The following ACSM4 variants were observed in gnomAD, a reference collection of about 807,000 sequenced individuals.
ACSM4 encodes acyl-coenzyme A synthetase ACSM4, mitochondrial.
Under a neutral mutation model 73.0 loss-of-function variants are expected in ACSM4, and 66 were observed. The observed-to-expected ratio is 0.90, with a 90% CI of 0.74 to 1.11. ACSM4 has a LOEUF of 1.11. ACSM4 is among the 50% of genes least tolerant of loss of function. ACSM4 has a pLI of 0.00. For missense variants in ACSM4, 645 were observed against 714.4 expected (o/e 0.90, Z 1.11); for synonymous variants, 222 against 254.0 (o/e 0.87, Z 1.20).
At chr12:7,327,729 T>G (rs1343963968) in intron 12 of ACSM4, among the ~76,000 whole-genome samples, 1 of 152,194 alleles carries the variant, frequency 6.6e-6, no homozygotes, top group Non-Finnish European at 1.5e-5. Flanking sequence ...CTCCATTAAA[T>G]TCACTAAATC....
intron 1 of ACSM4, among the ~76,000 whole-genome samples, 166 bp from the exon 2 acceptor site, chr12:7,306,367 A>T (rs763298233): frequency 1.3e-5 from 2 of 152,308 alleles, no homozygotes; most frequent in East Asian, 3.9e-4. Context: ...TCTCTTTTCA[A>T]GGCTGTGTTC....
chr12:7,327,148 G>A, intron 12 of ACSM4, 53 bp downstream of exon 12: 2 of 1,508,512 alleles, frequency 1.3e-6, no homozygotes, highest in Non-Finnish European at 1.8e-6. Flanking sequence ...TAGGGTCTAA[G>A]CTAGAATTAG....
chr12:7,322,366 T>C, intron 6 of ACSM4, 52 bp from the exon 7 acceptor site: 1 of 1,610,642 alleles, frequency 6.2e-7, no homozygotes. Context: ...TGTCTTGCAG[T>C]GAAAGCACTC....
intron 5 of ACSM4, among the ~76,000 whole-genome samples, chr12:7,320,149 ATTAGTATTTCTCTAGAT>A (rs757156415): frequency 6.6e-6 from 1 of 152,220 alleles, no homozygotes; most frequent in Non-Finnish European, 1.5e-5. Flanking sequence ...GCTCTAAAAC[ATTAGTATTTCTCTAGAT>A]TTAAGATGCC....
chr12:7,308,971 A>T (rs1946375376), intron 2 of ACSM4, among the ~76,000 whole-genome samples: 2 of 152,164 alleles, frequency 1.3e-5, no homozygotes, highest in South Asian at 4.1e-4. Context: ...GTTATTATTT[A>T]TATACTGGGA....
At chr12:7,310,228 T>C (rs1467760971) in intron 2 of ACSM4, among the ~76,000 whole-genome samples, 1 of 152,218 alleles carries the variant, frequency 6.6e-6, no homozygotes, top group African/African-American at 2.4e-5. Flanking sequence ...CATTATAATG[T>C]CTGCTCAGAC....
intron 5 of ACSM4, 81 bp downstream of exon 5, chr12:7,318,263 A>C: frequency 6.5e-7 from 1 of 1,529,490 alleles, no homozygotes; most frequent in Non-Finnish European, 8.8e-7. Flanking sequence ...TATTCCTTAG[A>C]ATACAAGGCT....
intron 2 of ACSM4, among the ~76,000 whole-genome samples, chr12:7,307,144 C>A (rs1946366904): frequency 6.6e-6 from 1 of 152,112 alleles, no homozygotes; most frequent in Admixed American, 6.6e-5. Context: ...ATCCCAGCTA[C>A]TCGGGAGGCT....
intron 7 of ACSM4, 54 bp from the exon 8 acceptor site, chr12:7,323,180 T>A: frequency 6.8e-7 from 1 of 1,465,006 alleles, no homozygotes; most frequent in East Asian, 2.4e-5. Flanking sequence ...TGCCATGATA[T>A]AGTTTCAGAA....
At position 7,323,487 on chromosome 12, in the gene ACSM4, C is replaced by T; in HGVS notation, c.1235C>T (p.Pro412Leu). 1 of 1,613,826 alleles carries T rather than the reference C, an allele frequency of 6.2e-7. No homozygotes were observed. The highest frequency in any genetic ancestry group is 8.5e-7 in the Non-Finnish European group (1 of 1,179,824). ...ATAGATGAAAATGGCAATGTTCTAC[C>T]ACCTGGCAAAGAAGGGGAAATTGCC... ...QIIDENGNVL[P>L]PGKEGEIALR... is the part of the protein sequence containing the mutation. Residue 412 changes from proline to leucine, a missense_variant, in exon 9 of 13, where the codon CCA becomes CTA. Transcript: ENST00000399422.
intron 7 of ACSM4, 132 bp downstream of exon 7, chr12:7,322,673 A>G: frequency 5.2e-6 from 6 of 1,164,254 alleles, no homozygotes; most frequent in Non-Finnish European, 7.1e-6. Context: ...TCACCTTGCC[A>G]GTAGTTACCA....
chr12:7,306,110 A>G (rs1033055203), intron 1 of ACSM4, among the ~76,000 whole-genome samples: 39 of 152,326 alleles, frequency 2.6e-4, no homozygotes, highest in Admixed American at 2.4e-3. Flanking sequence ...TTATTCAAGG[A>G]ATATGGGAGA....
chr12:7,315,375 C>G (rs924296202), intron 3 of ACSM4, among the ~76,000 whole-genome samples: 1 of 152,056 alleles, frequency 6.6e-6, no homozygotes, highest in Non-Finnish European at 1.5e-5. Context: ...CTTTGAGAGG[C>G]TGAGGCGGGT....
At chr12:7,318,888 T>C (rs1040883679) in intron 5 of ACSM4, among the ~76,000 whole-genome samples, 3 of 152,216 alleles carry the variant, frequency 2.0e-5, no homozygotes, top group Admixed American at 6.5e-5. Flanking sequence ...TCTGACAAGA[T>C]GGTTTAAGGC....
intron 5 of ACSM4, among the ~76,000 whole-genome samples, chr12:7,320,298 G>T (rs901985418): frequency 2.0e-5 from 3 of 152,174 alleles, no homozygotes; most frequent in Non-Finnish European, 4.4e-5. Context: ...AAAGACTAAT[G>T]TATTTTATAG....
At chr12:7,327,889 C>A (rs767701816) in intron 12 of ACSM4, among the ~76,000 whole-genome samples, 26 of 152,146 alleles carry the variant, frequency 1.7e-4, no homozygotes, top group Non-Finnish European at 2.4e-4. Flanking sequence ...TGTATATACT[C>A]CAAATTATCC....
At chr12:7,309,446 C>G (rs940174864) in intron 2 of ACSM4, among the ~76,000 whole-genome samples, 3 of 152,196 alleles carry the variant, frequency 2.0e-5, no homozygotes, top group Admixed American at 6.5e-5. Context: ...CTGGGTATAG[C>G]TACTTATGTG....
chr12:7,321,235 A>G (rs1946461435), intron 6 of ACSM4, among the ~76,000 whole-genome samples: 1 of 152,222 alleles, frequency 6.6e-6, no homozygotes, highest in South Asian at 2.1e-4. Context: ...TTAGAACTCA[A>G]AAAAGAAAGA....
chr12:7,322,267 A>G (rs772726747), intron 6 of ACSM4, 151 bp from the exon 7 acceptor site: 9 of 1,050,464 alleles, frequency 8.6e-6, no homozygotes, highest in Non-Finnish European at 1.3e-5. Flanking sequence ...GTCTGGCAAT[A>G]TAGCAGGTGT....
Sources: gnomAD v4.1 joint callset for allele counts (sites outside exome capture counted in the v4.1 genomes callset) on GRCh38, gnomAD v4.1.1 for gene constraint, MANE v1.5 for transcripts, NCBI Gene and HGNC (gene_info 2026-07-23, HGNC 2026-07-21) for gene names.